The following JAK1 variants were observed in gnomAD, a reference collection of about 807,000 sequenced individuals.
JAK1 encodes tyrosine-protein kinase JAK1.
In JAK1, 16 loss-of-function variants were observed where a neutral mutation model predicts 136.6. That is an observed-to-expected ratio of 0.12 (90% confidence interval 0.08 to 0.18). The LOEUF is 0.18. Ranked by LOEUF, JAK1 falls within the 10% of genes least tolerant of loss-of-function variation. The pLI, the probability that JAK1 is intolerant of heterozygous loss-of-function variation, is 1.00. For missense variants in JAK1, 859 were observed against 1,450.1 expected, an observed-to-expected ratio of 0.59 and a Z score of 6.62; for synonymous variants, 492 against 519.5, an observed-to-expected ratio of 0.95 and a Z score of 0.72.
chr1:64,969,582 G>T (rs1407070802), upstream of JAK1, among the ~76,000 whole-genome samples: 1 of 152,166 alleles, frequency 6.6e-6, no homozygotes, highest in African/African-American at 2.4e-5. Context: ...TTGTAAAACT[G>T]CAAGCTGCGA....
chr1:64,970,155 A>AAAAAAAAG (rs60346840), upstream of JAK1, among the ~76,000 whole-genome samples: 1 of 144,222 alleles, frequency 6.9e-6, no homozygotes. Context: ...AAAAAAAAAA[A>AAAAAAAAG]CGGCCGGGCA....
At chr1:64,933,618 C>A (rs139985607) in intron 1 of JAK1, among the ~76,000 whole-genome samples, 2 of 152,310 alleles carry the variant, frequency 1.3e-5, no homozygotes, top group East Asian at 1.9e-4. Context: ...ATTCAAATGA[C>A]ACATCGTATG....
At chr1:65,051,535 A>T (rs1038260359) in intron 1 of JAK1, among the ~76,000 whole-genome samples, 9 of 152,198 alleles carry the variant, frequency 5.9e-5, no homozygotes, top group African/African-American at 2.2e-4. Context: ...TGCAGAGCCC[A>T]GATGTGGTCT....
intron 1 of JAK1, among the ~76,000 whole-genome samples, chr1:64,928,778 C>CAAAAAAAAAAAAAAAAAAAA (rs1183218798): frequency 0.016 from 941 of 60,430 alleles, 9 homozygotes; most frequent in Middle Eastern, 0.024. Flanking sequence ...TAAAACTCTG[C>CAAAAAAAAAAAAAAAAAAAA]AAAAAAAAAA....
intron 1 of JAK1, among the ~76,000 whole-genome samples, chr1:64,886,590 T>C (rs1008922417): frequency 1.6e-4 from 24 of 152,156 alleles, no homozygotes; most frequent in African/African-American, 5.8e-4. Flanking sequence ...CCAGGGATTT[T>C]TGCTTCCCGA....
chr1:64,932,779 G>T (rs1192916261), intron 1 of JAK1, among the ~76,000 whole-genome samples: 1 of 151,658 alleles, frequency 6.6e-6, no homozygotes, highest in African/African-American at 2.4e-5. Flanking sequence ...GAGGGCACTA[G>T]ACAGTCCCAG....
At chr1:64,841,639 A>G (rs1276508017) in intron 17 of JAK1, 38 bp from the exon 18 acceptor site, 1 of 1,610,772 alleles carries the variant, frequency 6.2e-7, no homozygotes, top group East Asian at 2.2e-5. Context: ...AACCAAAGGA[A>G]CCACCTACAA....
chr1:65,056,952 A>G (rs1001066704), intron 1 of JAK1, among the ~76,000 whole-genome samples: 8 of 150,930 alleles, frequency 5.3e-5, no homozygotes, highest in Non-Finnish European at 8.9e-5. Flanking sequence ...AAAAGTCACA[A>G]ATGGTTTTTC....
At chr1:65,038,536 G>A (rs886438772) in intron 2 of JAK1, among the ~76,000 whole-genome samples, 1 of 151,788 alleles carries the variant, frequency 6.6e-6, no homozygotes, top group African/African-American at 2.4e-5. Context: ...TTTGAAGAAG[G>A]GGACCCACTT....
chr1:64,989,608 T>C (rs1470810914), intron 2 of JAK1: 2 of 152,158 alleles, frequency 1.3e-5, no homozygotes, highest in African/African-American at 4.8e-5. Flanking sequence ...AACTCTGAAC[T>C]AACCCAGATT....
At chr1:64,951,226 T>C (rs1206030933) in intron 1 of JAK1, among the ~76,000 whole-genome samples, 1 of 152,226 alleles carries the variant, frequency 6.6e-6, no homozygotes, top group Non-Finnish European at 1.5e-5. Context: ...TGTATTCTCA[T>C]AAGTGTCTGG....
rs184603866 is a variant in JAK1 at position 64,987,963 on chromosome 1, G to T, written c.-78+56517C>A. ...AAACCATTCTTATTTTATTCATTTTGTTCAAAGCAATTGAAGATGATAATA... is the reference window on the plus strand; with the variant it reads ...AAACCATTCTTATTTTATTCATTTTTTTCAAAGCAATTGAAGATGATAATA... On this transcript the variant is annotated intron_variant, in intron 2 of 25. Coordinates refer to the JAK1 transcript ENST00000671954. Among the ~76,000 whole-genome samples, 21 of 152,264 alleles carry T rather than the reference G, an allele frequency of 1.4e-4. No individual in the cohort carries two copies. In the East Asian group the frequency reaches 3.9e-3, roughly 28 times the overall value.
chr1:64,839,448 G>GACAGT (rs1654748851), intron 20 of JAK1, 155 bp downstream of exon 20: 3 of 615,486 alleles, frequency 4.9e-6, no homozygotes, highest in Middle Eastern at 2.9e-4. Flanking sequence ...TGAGGGATTT[G>GACAGT]ACATATGACT....
chr1:64,966,181 G>A (rs1646374003), intron 1 of JAK1, among the ~76,000 whole-genome samples, 152 bp downstream of exon 1: 2 of 151,836 alleles, frequency 1.3e-5, no homozygotes, highest in Admixed American at 1.3e-4. Context: ...CCGAGCCGCG[G>A]GGTCCTGAGC....
At chr1:64,993,247 T>C (rs527564028) in intron 2 of JAK1, 1 of 152,224 alleles carries the variant, frequency 6.6e-6, no homozygotes, top group East Asian at 1.9e-4. Context: ...AAACCGTGTA[T>C]GGTAGTGGTT....
At chr1:64,871,136 T>A (rs2101143151) in intron 5 of JAK1, among the ~76,000 whole-genome samples, 1 of 152,364 alleles carries the variant, frequency 6.6e-6, no homozygotes, top group Non-Finnish European at 1.5e-5. Context: ...TCATTTTCTT[T>A]TTTTCCACAC....
At chr1:64,853,217 A>C (rs57520558) in intron 11 of JAK1, among the ~76,000 whole-genome samples, 7,487 of 152,264 alleles carry the variant, frequency 0.049, 260 homozygotes, top group African/African-American at 0.1. Context: ...GGGAAGAGAG[A>C]GAGCTTTGGG....
At chr1:64,991,140 G>T (rs12129709) in intron 2 of JAK1, among the ~76,000 whole-genome samples, 9,010 of 152,088 alleles carry the variant, frequency 0.059, 409 homozygotes, top group Non-Finnish European at 0.085. Flanking sequence ...AAAGATAGAA[G>T]TTATGAAAAG....
intron 19 of JAK1, 133 bp from the exon 20 acceptor site, chr1:64,839,928 C>A: frequency 1.5e-6 from 1 of 680,318 alleles, no homozygotes. Context: ...CAGGCAGAAG[C>A]CTCTCACCTG....
Sources: allele counts gnomAD v4.1 joint callset (sites outside exome capture counted in the v4.1 genomes callset), GRCh38; gene constraint gnomAD v4.1.1; transcripts MANE v1.5; gene names NCBI Gene and HGNC (gene_info 2026-07-23, HGNC 2026-07-21).